Variants in ZNF492 observed in about 807,000 individuals in gnomAD.
ZNF492 encodes zinc finger protein 492.
In ZNF492, 3 loss-of-function variants were observed where a neutral mutation model predicts 6.4. That is an observed-to-expected ratio of 0.47 (90% CI 0.21 to 1.22). The LOEUF (loss-of-function observed/expected upper bound fraction) is 1.22, where lower values mean the gene tolerates loss of function less well. ZNF492 is among the 50% of genes most tolerant of loss of function. The pLI is 0.22. For missense variants in ZNF492, 356 were observed against 612.5 expected (o/e 0.58, Z 4.42); for synonymous variants, 112 against 205.3 (o/e 0.55, Z 3.89).
At chr19:22,649,766 C>T (rs1265054270) in intron 1 of ZNF492, among the ~76,000 whole-genome samples, 1 of 152,142 alleles carries the variant, frequency 6.6e-6, no homozygotes, top group Non-Finnish European at 1.5e-5. Flanking sequence ...ATGAAGTTCT[C>T]ATGCTGTGTT....
chr19:22,644,065 T>C (rs1971854022), intron 1 of ZNF492, among the ~76,000 whole-genome samples: 1 of 151,994 alleles, frequency 6.6e-6, no homozygotes, highest in African/African-American at 2.4e-5. Context: ...GGGTGGAGTT[T>C]TTTCTGTTTT....
At position 22,664,642 on chromosome 19, in the gene ZNF492, A is replaced by C. The variant is rs1281701141; in HGVS notation, c.973A>C (p.Thr325Pro). 6 of 1,613,424 alleles carry C rather than the reference A, an allele frequency of 3.7e-6. No individual in the cohort carries two copies. Among genetic ancestry groups the C allele is most frequent in the Non-Finnish European group, 5.1e-6 (6 of 1,179,788 alleles). Residue 325 changes from threonine (T) to proline (P), a missense_variant, in exon 4 of 4, where the codon ACT becomes CCT. Thr to Pro is a conservative substitution (Grantham distance 38, BLOSUM62 -1). Transcript: ENST00000456783. ...GGCCTTTAGCCAGTTATCCCACCTT[A>C]CTACACATAAGAGAATTCATTCTGG... ...GKAFSQLSHL[T>P]THKRIHSGEK...
At chr19:22,659,960 C>G (rs2145260261) in intron 3 of ZNF492, among the ~76,000 whole-genome samples, 1 of 152,224 alleles carries the variant, frequency 6.6e-6, no homozygotes, top group South Asian at 2.1e-4. Flanking sequence ...GCCACCATGC[C>G]CAGCCTAAAT....
chr19:22,654,882 TG>T (rs1971978645), intron 3 of ZNF492, among the ~76,000 whole-genome samples: 1 of 150,862 alleles, frequency 6.6e-6, no homozygotes, highest in South Asian at 2.1e-4. Flanking sequence ...ATTACAGGCG[TG>T]ACCCACCGTG....
intron 1 of ZNF492, among the ~76,000 whole-genome samples, chr19:22,640,268 T>G (rs1342938685): frequency 6.6e-6 from 1 of 152,074 alleles, no homozygotes; most frequent in African/African-American, 2.4e-5. Flanking sequence ...GTTCAAGCAA[T>G]TCTCCTGCCT....
At position 22,639,119 on chromosome 19, in the gene ZNF492, C is replaced by T. The variant is rs527633790; in HGVS notation, c.-94+4645C>T. ...CCTCCCAAAGTGCTGGGACTACAGG[C>T]GTGAGCCACTGCGCCTGGCCAATAT... On this transcript the variant is annotated intron_variant, in intron 1 of 3. Coordinates refer to ENST00000456783, the MANE Select transcript of ZNF492 (RefSeq NM_020855.3). Among the ~76,000 whole-genome samples the T allele has an allele frequency of 1.2e-4, 18 of 152,142 alleles. No homozygotes were observed. The South Asian group carries it at 2.9e-3, about 25-fold the overall frequency.
intron 3 of ZNF492, among the ~76,000 whole-genome samples, chr19:22,657,663 A>G: frequency 6.6e-6 from 1 of 151,948 alleles, no homozygotes; most frequent in Non-Finnish European, 1.5e-5. Flanking sequence ...ATTATTTTTT[A>G]GTTTCATATT....
At chr19:22,654,124 A>G (rs1971970073) in intron 3 of ZNF492, 109 bp downstream of exon 3, 21 of 1,334,930 alleles carry the variant, frequency 1.6e-5, no homozygotes, top group Non-Finnish European at 2.1e-5. Flanking sequence ...TTCCAAAGGA[A>G]ATAGTTTCTG....
At chr19:22,662,249 C>T (rs1008442163) in intron 3 of ZNF492, among the ~76,000 whole-genome samples, 3 of 152,164 alleles carry the variant, frequency 2.0e-5, no homozygotes, top group African/African-American at 7.2e-5. Flanking sequence ...CATGTCCCTG[C>T]AAAGGACATG....
intron 1 of ZNF492, among the ~76,000 whole-genome samples, chr19:22,639,061 T>TC (rs1373717422): frequency 2.0e-5 from 3 of 152,104 alleles, no homozygotes; most frequent in Admixed American, 6.6e-5. Flanking sequence ...AGGCTGGTCT[T>TC]CAACTCCTGA....
intron 1 of ZNF492, among the ~76,000 whole-genome samples, chr19:22,647,566 A>G (rs1024079095): frequency 1.3e-5 from 2 of 149,242 alleles, no homozygotes; most frequent in African/African-American, 5.0e-5. Flanking sequence ...GCCTGGCCCT[A>G]TTTTGTTAAT....
At chr19:22,655,751 A>C (rs1269003799) in intron 3 of ZNF492, among the ~76,000 whole-genome samples, 1 of 145,722 alleles carries the variant, frequency 6.9e-6, no homozygotes, top group East Asian at 2.0e-4. Flanking sequence ...GAATGGGCAT[A>C]ATAAACTTTT....
At chr19:22,636,163 G>T (rs768957712) in intron 1 of ZNF492, among the ~76,000 whole-genome samples, 17 of 151,368 alleles carry the variant, frequency 1.1e-4, no homozygotes, top group Non-Finnish European at 1.9e-4. Context: ...GCAATGGCGC[G>T]ATCTCGGCTC....
intron 3 of ZNF492, among the ~76,000 whole-genome samples, chr19:22,654,481 G>GA (rs1971973585): frequency 6.6e-6 from 1 of 150,720 alleles, no homozygotes; most frequent in Admixed American, 6.6e-5. Flanking sequence ...TTATAGTCTT[G>GA]AAGTATAGTT....
chr19:22,660,944 T>G (rs1306270958), intron 3 of ZNF492, among the ~76,000 whole-genome samples: 1 of 151,612 alleles, frequency 6.6e-6, no homozygotes, highest in Admixed American at 6.6e-5. Flanking sequence ...CAGGACTTTG[T>G]GTCACACGGT....
In ZNF492 at chr19:22,667,361, T is replaced by TA. The variant is rs1972141704; in HGVS notation, c.*2100dup. On this transcript the variant is annotated 3_prime_UTR_variant, in exon 4 of 4. Coordinates refer to ENST00000456783, the MANE Select transcript of ZNF492 (RefSeq NM_020855.3). ...AAATAAGGAATGTTGTTTCTGTAGG[T>TA]AAAATTTTTATTTATTTTTTCCCAT... 4 of 152,226 alleles carry TA rather than the reference T, an allele frequency of 2.6e-5. No individual in the cohort carries two copies. The highest frequency in any genetic ancestry group is 2.6e-4 in the Admixed American group (4 of 15,276). 9.4% of individuals were successfully genotyped at this position (152,226 alleles called of 1,614,324 possible).
In ZNF492 at chr19:22,666,668, T is replaced by A. The variant is rs1189898328; in HGVS notation, c.*1403T>A. 1 of 152,116 alleles carries A rather than the reference T, an allele frequency of 6.6e-6. No individual in the cohort carries two copies. Among genetic ancestry groups the A allele is most frequent in the Non-Finnish European group, 1.5e-5 (1 of 68,024 alleles). The allele number at this position is 152,116 out of a possible 1,614,324, so 9.4% of individuals were successfully genotyped here. ...TTTGTGATTCACTTACAGTACTGAG[T>A]GATGCATGAGGTAGGTGTTCTGAGT... On this transcript the variant is annotated 3_prime_UTR_variant, in exon 4 of 4. Coordinates refer to ENST00000456783, the MANE Select transcript of ZNF492 (RefSeq NM_020855.3).
At chr19:22,643,454 C>A (rs1971848860) in intron 1 of ZNF492, among the ~76,000 whole-genome samples, 1 of 152,152 alleles carries the variant, frequency 6.6e-6, no homozygotes, top group African/African-American at 2.4e-5. Flanking sequence ...GTATAAGGGA[C>A]TCTGTGCTGT....
intron 1 of ZNF492, among the ~76,000 whole-genome samples, chr19:22,647,639 C>T (rs1971895547): frequency 6.6e-6 from 1 of 150,992 alleles, no homozygotes; most frequent in Non-Finnish European, 1.5e-5. Flanking sequence ...TGTCTATCTC[C>T]TTCAGTTCTG....
Sources: gnomAD v4.1 joint callset for allele counts (sites outside exome capture counted in the v4.1 genomes callset) on GRCh38, gnomAD v4.1.1 for gene constraint, MANE v1.5 for transcripts, NCBI Gene and HGNC (gene_info 2026-07-23, HGNC 2026-07-21) for gene names.